Variants in LRCH1 observed in about 807,000 individuals in gnomAD.
LRCH1 encodes leucine rich repeats and calponin homology domain containing 1.
A neutral mutation model predicts 94.9 loss-of-function variants in LRCH1; 23 were observed. The ratio of observed to expected loss-of-function variants is 0.24; its 90% CI spans 0.17 to 0.34. LRCH1 has a LOEUF of 0.34. Among genes scored for constraint, LRCH1 ranks in the 10% least tolerant of loss-of-function variants. LRCH1 has a pLI of 1.00. For synonymous variants in LRCH1, 364 were observed against 354.9 expected, an observed-to-expected ratio of 1.03 and a Z score of -0.29; for missense variants, 790 against 945.9, an observed-to-expected ratio of 0.84 and a Z score of 2.16.
intron 1 of LRCH1, among the ~76,000 whole-genome samples, chr13:46,618,398 T>C (rs2050837609): frequency 6.6e-6 from 1 of 152,182 alleles, no homozygotes; most frequent in African/African-American, 2.4e-5. Context: ...GCGTGGTCCA[T>C]TGTTAATGGA....
chr13:46,662,262 C>T (rs1190844280), intron 2 of LRCH1, among the ~76,000 whole-genome samples: 1 of 152,208 alleles, frequency 6.6e-6, no homozygotes, highest in Non-Finnish European at 1.5e-5. Context: ...ATTATCTCCA[C>T]TGCCCGTGTA....
At chr13:46,701,712 G>T (rs1337606715) in intron 11 of LRCH1, among the ~76,000 whole-genome samples, 1 of 152,124 alleles carries the variant, frequency 6.6e-6, no homozygotes, top group Non-Finnish European at 1.5e-5. Context: ...TCGATAATAG[G>T]CACTACATTC....
intron 1 of LRCH1, among the ~76,000 whole-genome samples, chr13:46,581,624 G>A (rs1418071467): frequency 6.6e-6 from 1 of 152,198 alleles, no homozygotes; most frequent in African/African-American, 2.4e-5. Context: ...GCACAAATGT[G>A]TAAGTAATTT....
At chr13:46,724,239 C>G (rs1872711282) in intron 17 of LRCH1, among the ~76,000 whole-genome samples, 1 of 152,144 alleles carries the variant, frequency 6.6e-6, no homozygotes, top group Non-Finnish European at 1.5e-5. Context: ...TTAAGAGACT[C>G]TCTCTGTTGC....
At chr13:46,614,405 A>T (rs1047303999) in intron 1 of LRCH1, among the ~76,000 whole-genome samples, 3 of 152,222 alleles carry the variant, frequency 2.0e-5, no homozygotes, top group African/African-American at 4.8e-5. Flanking sequence ...AAAAGGACTT[A>T]GAGAGGATAC....
rs1873669641 is a variant in LRCH1, at chr13:46,741,768, C to T, written c.2212C>T (p.Leu738Phe). ...AACTTCTGCCCTCCGCTCCAGGGAC[C>T]TTATAGGCTTCTGTCTTGTCCATAT... ...PPTSALRSRD[L>F]IGFCLVHILF... Residue 738 changes from leucine to phenylalanine, a missense_variant, in exon 20 of 20, where the codon CTT (leucine) becomes TTT (phenylalanine). Physicochemically the swap from Leu to Phe is conservative, Grantham distance 22. Transcript: ENST00000389797. 4 of 1,614,058 alleles carry T rather than the reference C, an allele frequency of 2.5e-6. No homozygotes were observed. In the African/African-American group the frequency reaches 4.0e-5, roughly 16 times the overall value.
intron 1 of LRCH1, among the ~76,000 whole-genome samples, chr13:46,584,829 A>G (rs1433200452): frequency 6.6e-6 from 1 of 152,250 alleles, no homozygotes; most frequent in Non-Finnish European, 1.5e-5. Context: ...TGTTTTATAA[A>G]GCAACAGTTG....
intron 1 of LRCH1, among the ~76,000 whole-genome samples, chr13:46,559,122 TAAC>T (rs2050102529): frequency 6.6e-6 from 1 of 152,252 alleles, no homozygotes; most frequent in African/African-American, 2.4e-5. Context: ...GAAGACTTGA[TAAC>T]AAAATCTAGT....
At position 46,636,914 on chromosome 13, in the gene LRCH1, T is replaced by A. The variant is rs148795867; in HGVS notation, c.308-13287T>A. Among the ~76,000 whole-genome samples, 625 of 152,282 alleles carry A rather than the reference T, an allele frequency of 4.1e-3. 3 individuals are homozygous for A. Among genetic ancestry groups the A allele is most frequent in the African/African-American group, 0.015 (608 of 41,542 alleles). On this transcript the variant is annotated intron_variant, in intron 1 of 19. Coordinates refer to ENST00000389797, the MANE Select transcript of LRCH1 (RefSeq NM_001164211.2). Reference sequence around the variant, plus strand: ...TTCTCTAATCTTCACTCACTCCTCTTTAGAGTTGATGTCTTTCCATGCCAT... The same window carrying A: ...TTCTCTAATCTTCACTCACTCCTCTATAGAGTTGATGTCTTTCCATGCCAT...
intron 3 of LRCH1, among the ~76,000 whole-genome samples, chr13:46,676,248 C>T (rs1348880052): frequency 6.6e-6 from 1 of 152,012 alleles, no homozygotes; most frequent in Admixed American, 6.6e-5. Flanking sequence ...GTGACAGAGA[C>T]TCCGTCTCGG....
At chr13:46,614,420 T>C (rs1434618538) in intron 1 of LRCH1, among the ~76,000 whole-genome samples, 4 of 151,998 alleles carry the variant, frequency 2.6e-5, no homozygotes, top group African/African-American at 9.7e-5. Flanking sequence ...GGATACAAAA[T>C]CATGAAGTCA....
At chr13:46,666,270 T>C (rs1328809801) in intron 2 of LRCH1, among the ~76,000 whole-genome samples, 1 of 152,228 alleles carries the variant, frequency 6.6e-6, no homozygotes, top group Non-Finnish European at 1.5e-5. Context: ...CCATGAATGT[T>C]TTCACAAGCT....
intron 4 of LRCH1, 66 bp from the exon 5 acceptor site, chr13:46,685,839 T>C: frequency 8.8e-7 from 1 of 1,142,832 alleles, no homozygotes; most frequent in Non-Finnish European, 1.2e-6. Flanking sequence ...TTTGAATGAT[T>C]AGCCATTTAA....
chr13:46,651,404 C>CT (rs2051296282), intron 2 of LRCH1, among the ~76,000 whole-genome samples: 1 of 152,160 alleles, frequency 6.6e-6, no homozygotes, highest in South Asian at 2.1e-4. Context: ...TGGCTCAGGC[C>CT]TGTAATCCCA....
At chr13:46,635,312 G>T (rs2051070662) in intron 1 of LRCH1, among the ~76,000 whole-genome samples, 2 of 151,990 alleles carry the variant, frequency 1.3e-5, no homozygotes, top group African/African-American at 2.4e-5. Context: ...CAGCTAACGG[G>T]GCTTGCAGGC....
At chr13:46,677,255 CAAAAAA>C (rs67827727) in intron 3 of LRCH1, among the ~76,000 whole-genome samples, 7 of 98,058 alleles carry the variant, frequency 7.1e-5, no homozygotes, top group East Asian at 3.1e-4. Context: ...ACTAAAAATA[CAAAAAA>C]AAAAAAAAAA....
Position 46,615,956 on chromosome 13 carries a change from A to G in LRCH1, c.308-34245A>G, listed in dbSNP as rs375503403. On this transcript the variant is annotated intron_variant, in intron 1 of 19. Transcript: ENST00000389797. ...TCCTCTCTGTTTGTACCCCTGTACA[A>G]GGCAGCTCTTGTGGTTACGATTTGT... Among the ~76,000 whole-genome samples, 41 of 151,680 alleles carry G rather than the reference A, an allele frequency of 2.7e-4. No individual in the cohort carries two copies. The East Asian group carries it at 4.9e-3, about 18-fold the overall frequency.
rs544939487 is a variant in LRCH1 at position 46,659,691 on chromosome 13, G to T, written c.453-9339G>T. Reference sequence around the variant, plus strand: ...GCTTGTTTGTGTGTGGGTGGCTGTGGGGGGTGGGCTGAAGCAGTAGCTAGT... The same window carrying T: ...GCTTGTTTGTGTGTGGGTGGCTGTGTGGGGTGGGCTGAAGCAGTAGCTAGT... On this transcript the variant is annotated intron_variant, in intron 2 of 19. Coordinates refer to ENST00000389797, the MANE Select transcript of LRCH1 (RefSeq NM_001164211.2). 1.1e-4 allele frequency among the ~76,000 whole-genome samples: 16 copies of T among 152,280 alleles called. No homozygotes were observed. In the South Asian group the frequency reaches 3.3e-3, roughly 32 times the overall value.
chr13:46,610,263 G>T (rs138988917), intron 1 of LRCH1, among the ~76,000 whole-genome samples: 1 of 152,060 alleles, frequency 6.6e-6, no homozygotes, highest in Non-Finnish European at 1.5e-5. Context: ...ACACATAATT[G>T]TATGTGATCG....
Sources: gnomAD v4.1 joint callset for allele counts (sites outside exome capture counted in the v4.1 genomes callset) on GRCh38, gnomAD v4.1.1 for gene constraint, MANE v1.5 for transcripts, NCBI Gene and HGNC (gene_info 2026-07-23, HGNC 2026-07-21) for gene names.